The following ANK1 variants were observed in gnomAD, a reference collection of about 807,000 sequenced individuals.
The protein encoded by ANK1 is ankyrin 1, also known as ankyrin-1.
In ANK1, 51 loss-of-function variants were observed where a neutral mutation model predicts 210.4. The ratio of observed to expected loss-of-function variants is 0.24; its 90% confidence interval spans 0.19 to 0.31. The LOEUF is 0.31. Among genes scored for constraint, ANK1 ranks in the 10% least tolerant of loss-of-function variants. The probability of loss-of-function intolerance (pLI) is 1.00; values close to 1 mark genes in which losing one functional copy is unlikely to be tolerated. For missense variants in ANK1, 2,051 were observed against 2,504.4 expected (o/e 0.82, Z 3.86); for synonymous variants, 967 against 1,025.9 (o/e 0.94, Z 1.10).
intron 1 of ANK1, among the ~76,000 whole-genome samples, chr8:41,875,107 G>A (rs979834056): frequency 3.3e-5 from 5 of 152,162 alleles, no homozygotes; most frequent in Admixed American, 6.5e-5. Context: ...GAAAGGGTAC[G>A]GGATGACCGG....
chr8:41,717,745 C>T (rs532559734), intron 11 of ANK1, 43 bp from the exon 12 acceptor site: 29 of 1,469,544 alleles, frequency 2.0e-5, no homozygotes, highest in African/African-American at 2.0e-4. Context: ...GGAGTCTTTC[C>T]GCTCCCCTGA....
At chr8:41,699,310 C>A in intron 23 of ANK1, 142 bp downstream of exon 23, 3 of 804,634 alleles carry the variant, frequency 3.7e-6, no homozygotes, top group Non-Finnish European at 4.3e-6. Context: ...GCTAGCTCAT[C>A]CTAAGGTGCA....
At chr8:41,715,173 G>A (rs1827286408) in intron 14 of ANK1, 99 bp from the exon 15 acceptor site, 1 of 1,143,714 alleles carries the variant, frequency 8.7e-7, no homozygotes. Flanking sequence ...CTGGCATGGA[G>A]AGGCCAATGA....
intron 1 of ANK1, among the ~76,000 whole-genome samples, chr8:41,882,754 T>C (rs180754666): frequency 2.0e-5 from 3 of 152,344 alleles, no homozygotes; most frequent in Admixed American, 2.0e-4. Context: ...ATTGCCTTAG[T>C]TGCTTTCCAG....
chr8:41,676,465 T>G (rs1814195080), intron 37 of ANK1, among the ~76,000 whole-genome samples: 1 of 152,262 alleles, frequency 6.6e-6, no homozygotes, highest in Non-Finnish European at 1.5e-5. Context: ...TGAGAGTTCT[T>G]TGTATATTCC....
intron 39 of ANK1, chr8:41,664,678 G>T (rs1809766866): frequency 5.4e-6 from 5 of 920,254 alleles, no homozygotes; most frequent in South Asian, 2.9e-5. Context: ...ATCCCTGGGG[G>T]CCTCCTGGTC....
Position 41,672,476 on chromosome 8 carries a change from G to C in ANK1, c.4974C>G (p.Asp1658Glu), listed in dbSNP as rs149859024. 34 of 1,614,080 alleles carry C rather than the reference G, an allele frequency of 2.1e-5. No individual in the cohort carries two copies. The highest frequency in any genetic ancestry group is 2.8e-5 in the Non-Finnish European group (33 of 1,180,040). The change falls in exon 38 of 43, where the codon GAC becomes GAG. Residue 1658 changes from aspartate to glutamate, a missense_variant. Coordinates refer to ENST00000289734, the MANE Select transcript of ANK1 (RefSeq NM_000037.4). ...CTGAGTCCTGCCCTGCACCTGTCGC[G>C]TCATCCTGCCTCTTAGAACCTGGCA... is the stretch of plus-strand genomic sequence containing the variant. ...EKLPGSKRQD[D>E]ATGAGQDSEN...
intron 1 of ANK1, among the ~76,000 whole-genome samples, chr8:41,805,794 A>C (rs1470804524): frequency 1.3e-5 from 2 of 152,236 alleles, no homozygotes; most frequent in Non-Finnish European, 2.9e-5. Flanking sequence ...TTAAGAAAAA[A>C]ACAGATACGT....
At chr8:41,723,059 G>C in intron 9 of ANK1, 66 bp downstream of exon 9, 1 of 1,397,586 alleles carries the variant, frequency 7.2e-7, no homozygotes, top group South Asian at 1.2e-5. Context: ...AATAGGATTT[G>C]ATGCCAGGTC....
chr8:41,679,131 C>T (rs1238881556), intron 37 of ANK1, among the ~76,000 whole-genome samples: 1 of 152,176 alleles, frequency 6.6e-6, no homozygotes, highest in Non-Finnish European at 1.5e-5. Flanking sequence ...GGGTCAGTTT[C>T]AATGGATCGA....
intron 35 of ANK1, 93 bp downstream of exon 35, chr8:41,688,063 G>T: frequency 7.1e-7 from 1 of 1,410,590 alleles, no homozygotes. Flanking sequence ...GTGATAAAAG[G>T]AGGGTTAGAA....
intron 2 of ANK1, among the ~76,000 whole-genome samples, chr8:41,750,354 C>A (rs1303710006): frequency 6.6e-6 from 1 of 152,148 alleles, no homozygotes; most frequent in African/African-American, 2.4e-5. Flanking sequence ...GATGGTCGAG[C>A]TTCTGGACAC....
At chr8:41,718,946 C>G (rs1232975523) in intron 10 of ANK1, among the ~76,000 whole-genome samples, 1 of 152,212 alleles carries the variant, frequency 6.6e-6, no homozygotes, top group Non-Finnish European at 1.5e-5. Context: ...CAGTACGTGG[C>G]CTGTGGGCAC....
intron 1 of ANK1, among the ~76,000 whole-genome samples, chr8:41,863,369 A>G (rs1230027167): frequency 6.6e-6 from 1 of 152,178 alleles, no homozygotes; most frequent in African/African-American, 2.4e-5. Flanking sequence ...ATTAAAAAAA[A>G]AGAAAAAAAG....
Position 41,713,987 on chromosome 8 carries a change from T to A in ANK1, c.1800+169A>T, listed in dbSNP as rs1243614293. ...TCCCACTCCTGGGCCCTGAATAGCG[T>A]GATTACAGGGCAGGTAACATGTGGG... On this transcript the variant is annotated intron_variant, in intron 16 of 42. Transcript: ENST00000289734. Among the ~76,000 whole-genome samples, 3 of 152,274 alleles carry A rather than the reference T, an allele frequency of 2.0e-5. No homozygotes were observed. The Middle Eastern group carries it at 0.01, about 518-fold the overall frequency.
chr8:41,684,812 C>T lies in ANK1; in HGVS notation c.4391-122G>A, dbSNP rs1024467546. The T allele has an allele frequency of 5.5e-6, 7 of 1,281,530 alleles. No individual in the cohort carries two copies. In the African/African-American group the frequency reaches 1.0e-4, roughly 19 times the overall value. The allele number at this position is 1,281,530 out of a possible 1,614,324, so 79.4% of individuals were successfully genotyped here. ...GATAATTTTTTTCAGAAGGTGGAGG[C>T]ACCCTCTTTTATTAGAGTCAAAACA... is the stretch of plus-strand genomic sequence containing the variant. On this transcript the variant is annotated intron_variant, in intron 36 of 42. Transcript: ENST00000289734.
Position 41,702,123 on chromosome 8 carries a change from T to C in ANK1, c.2317A>G (p.Ile773Val). The stretch of plus-strand genomic sequence containing the variant: ...GAAATGTAGCCCAAGCGCTTGGCTA[T>C]GGCCAGAGGTGTGGTTCCATCCTGG... The part of the protein sequence containing the change: ...VSSDGTTPLA[I>V]AKRLGYISVT... Residue 773 changes from isoleucine (I) to valine (V), a missense_variant, in exon 21 of 43, where the codon ATA (isoleucine) becomes GTA (valine). Transcript: ENST00000289734. 1.2e-6 allele frequency: 2 copies of C among 1,614,124 alleles called. No homozygotes were observed. Among genetic ancestry groups the C allele is most frequent in the Non-Finnish European group, 8.5e-7 (1 of 1,180,018 alleles).
intron 2 of ANK1, among the ~76,000 whole-genome samples, chr8:41,744,534 T>C (rs1443221473): frequency 9.6e-6 from 1 of 103,914 alleles, no homozygotes; most frequent in Non-Finnish European, 1.9e-5. Flanking sequence ...ATGATTTCTT[T>C]TCTTTTTTTT....
intron 9 of ANK1, 140 bp downstream of exon 9, chr8:41,722,985 G>A: frequency 1.2e-6 from 1 of 810,872 alleles, no homozygotes; most frequent in South Asian, 1.4e-5. Context: ...CTACGTGATA[G>A]GCCTTGTAAT....
Sources: allele counts gnomAD v4.1 joint callset (sites outside exome capture counted in the v4.1 genomes callset), GRCh38; gene constraint gnomAD v4.1.1; transcripts MANE v1.5; gene names NCBI Gene and HGNC (gene_info 2026-07-23, HGNC 2026-07-21).